The following UBAP2L variants were observed in gnomAD, a reference collection of about 807,000 sequenced individuals.
The protein encoded by UBAP2L is ubiquitin associated protein 2 like.
A neutral mutation model predicts 130.6 loss-of-function variants in UBAP2L; 12 were observed. That is an observed-to-expected ratio of 0.09 (90% CI 0.06 to 0.15). UBAP2L has a LOEUF of 0.15. UBAP2L is among the 10% of genes least tolerant of loss of function. The pLI is 1.00. For synonymous variants in UBAP2L, 503 were observed against 524.7 expected (o/e 0.96, Z 0.57); for missense variants, 965 against 1,332.5 (o/e 0.72, Z 4.29).
chr1:154,220,269 G>C (rs187712710), upstream of UBAP2L: 346 of 1,548,290 alleles, frequency 2.2e-4, no homozygotes, highest in African/African-American at 4.3e-3. Context: ...AATGCAGACG[G>C]GGTACAGCTC....
intron 14 of UBAP2L, among the ~76,000 whole-genome samples, chr1:154,252,533 G>A (rs1329061745): frequency 6.6e-6 from 1 of 151,754 alleles, no homozygotes; most frequent in Non-Finnish European, 1.5e-5. Flanking sequence ...TGCCCTCCTC[G>A]GCCTCCCAAA....
chr1:154,246,054 G>T, intron 10 of UBAP2L, 150 bp from the exon 11 acceptor site: 1 of 680,734 alleles, frequency 1.5e-6, no homozygotes, highest in Non-Finnish European at 2.3e-6. Flanking sequence ...GTTATTTTGG[G>T]ACATTTAAGC....
At chr1:154,241,787 A>G (rs747085315) in intron 9 of UBAP2L, 189 of 985,188 alleles carry the variant, frequency 1.9e-4, no homozygotes, top group Non-Finnish European at 2.2e-4. Flanking sequence ...GGAAAGGGCA[A>G]GTGCACTTGT....
At chr1:154,229,079 A>T (rs1056274703) in intron 4 of UBAP2L, among the ~76,000 whole-genome samples, 1 of 151,812 alleles carries the variant, frequency 6.6e-6, no homozygotes, top group South Asian at 2.1e-4. Context: ...AAAGTCACAC[A>T]CTATACTTGA....
intron 10 of UBAP2L, 23 bp downstream of exon 10, chr1:154,243,325 T>G: frequency 3.7e-6 from 6 of 1,604,740 alleles, no homozygotes; most frequent in Non-Finnish European, 5.1e-6. Flanking sequence ...TAAAATTTAG[T>G]ACCATTTCTT....
intron 9 of UBAP2L, chr1:154,242,923 CTTTCT>C (rs1371691999): frequency 1.6e-5 from 3 of 184,742 alleles, no homozygotes; most frequent in Non-Finnish European, 3.3e-5. Context: ...GAGGGATTTT[CTTTCT>C]TTTATTTTTT....
chr1:154,249,168 T>C, intron 11 of UBAP2L, 71 bp from the exon 12 acceptor site: 3 of 1,483,524 alleles, frequency 2.0e-6, no homozygotes, highest in Middle Eastern at 1.7e-4. Context: ...TCGGTCTGGA[T>C]AAGTGTCTTT....
chr1:154,246,501 C>T (rs1191688469), intron 11 of UBAP2L, 126 bp downstream of exon 11: 1 of 1,104,710 alleles, frequency 9.1e-7, no homozygotes, highest in Non-Finnish European at 1.3e-6. Flanking sequence ...CTTAAGCAGA[C>T]TTGGTTGTAG....
chr1:154,260,985 A>C lies in UBAP2L; in HGVS notation c.2672A>C (p.His891Pro). The C allele has an allele frequency of 6.2e-7, 1 of 1,614,210 alleles. No homozygotes were observed. The highest frequency in any genetic ancestry group is 8.5e-7 in the Non-Finnish European group (1 of 1,180,040). Reference sequence around the variant, plus strand: ...CAACAGAACCAGACGCAGACTCACCATACCACGCAGCAGACATTCCTGAAC... The same window carrying C: ...CAACAGAACCAGACGCAGACTCACCCTACCACGCAGCAGACATTCCTGAAC... ...QPQQNQTQTH[H>P]TTQQTFLNPA... The change falls in exon 23 of 27, where the codon CAT becomes CCT. Residue 891 changes from histidine (H) to proline (P), a missense_variant. Transcript: ENST00000428931.
intron 7 of UBAP2L, 72 bp downstream of exon 7, chr1:154,236,683 G>A: frequency 6.6e-7 from 1 of 1,518,618 alleles, no homozygotes. Context: ...TAACCAAAAT[G>A]ATCAGAATGA....
upstream of UBAP2L, chr1:154,220,381 G>A (rs1665484936): frequency 6.2e-7 from 1 of 1,614,200 alleles, no homozygotes; most frequent in Non-Finnish European, 8.5e-7. Context: ...CATTCACCCC[G>A]GAGAGCCAGT....
At chr1:154,249,647 A>G (rs1032414231) in intron 12 of UBAP2L, among the ~76,000 whole-genome samples, 3 of 152,146 alleles carry the variant, frequency 2.0e-5, no homozygotes, top group African/African-American at 7.2e-5. Context: ...TTCTCATCAC[A>G]TTTAGAGGCT....
chr1:154,237,548 A>G (rs1672084076), intron 8 of UBAP2L, among the ~76,000 whole-genome samples: 1 of 152,226 alleles, frequency 6.6e-6, no homozygotes, highest in Non-Finnish European at 1.5e-5. Flanking sequence ...TTTTGAAAAG[A>G]TAGCCAGAAT....
At position 154,254,846 on chromosome 1, in the gene UBAP2L, G is replaced by C; in HGVS notation, c.1865G>C (p.Ser622Thr). The stretch of plus-strand genomic sequence containing the variant: ...TTTTTTTTTTACCAGAATGGCTTCA[G>C]TTCTGTGCAGGCCACGCAGTTACAG... ...KDLTQAKNGF[S>T]SVQATQLQTT... is the part of the protein sequence containing the mutation. Residue 622 changes from serine to threonine, a missense_variant, in exon 16 of 27, where the codon AGT (serine) becomes ACT (threonine). Physicochemically the swap from Ser to Thr is moderately conservative, Grantham distance 58. This residue lies in a region of UBAP2L where 393 missense variants were observed against 408.1 expected (regional missense o/e 0.96). Coordinates refer to ENST00000428931, the MANE Select transcript of UBAP2L (RefSeq NM_014847.4). The C allele has an allele frequency of 6.3e-7, 1 of 1,598,454 alleles. No individual in the cohort carries two copies. Among genetic ancestry groups the C allele is most frequent in the Non-Finnish European group, 8.5e-7 (1 of 1,176,302 alleles).
intron 11 of UBAP2L, 64 bp from the exon 12 acceptor site, chr1:154,249,175 C>T: frequency 6.5e-7 from 1 of 1,541,834 alleles, no homozygotes; most frequent in Non-Finnish European, 9.0e-7. Flanking sequence ...GGATAAGTGT[C>T]TTTATGAGTA....
At chr1:154,225,825 T>C (rs1667744457) in intron 2 of UBAP2L, among the ~76,000 whole-genome samples, 1 of 152,232 alleles carries the variant, frequency 6.6e-6, no homozygotes, top group African/African-American at 2.4e-5. Flanking sequence ...CTCTCTCTTT[T>C]GTTTTTGAGA....
chr1:154,226,868 G>A (rs1247783802), intron 2 of UBAP2L, among the ~76,000 whole-genome samples: 3 of 152,042 alleles, frequency 2.0e-5, no homozygotes, highest in Non-Finnish European at 2.9e-5. Context: ...TATCACTTAG[G>A]CTGGAGTGCA....
Position 154,257,432 on chromosome 1 carries a change from C to G in UBAP2L, c.2440C>G (p.Pro814Ala). The G allele has an allele frequency of 6.2e-7, 1 of 1,612,476 alleles. No individual in the cohort carries two copies. Among genetic ancestry groups the G allele is most frequent in the Non-Finnish European group, 8.5e-7 (1 of 1,179,990 alleles). The change falls in exon 20 of 27, where the codon CCG becomes GCG. Residue 814 changes from proline to alanine, a missense_variant and splice_region_variant. Physicochemically the swap from Pro to Ala is conservative, Grantham distance 27 (BLOSUM62 -1). Around this residue, in one of 9 missense-constraint regions of UBAP2L, gnomAD observed 393 missense variants for 408.1 expected, o/e 0.96. Coordinates refer to ENST00000428931, the MANE Select transcript of UBAP2L (RefSeq NM_014847.4). Reference sequence around the variant, plus strand: ...GGCTCCAGGGCTGTTACATGCCTACCCGGTAAGTGGGACTAAAGGATCTTC... The same window carrying G: ...GGCTCCAGGGCTGTTACATGCCTACGCGGTAAGTGGGACTAAAGGATCTTC... Reference protein sequence around the residue: ...IMAPGLLHAYPPQVYGYDDLQ... With the variant: ...IMAPGLLHAYAPQVYGYDDLQ...
intron 11 of UBAP2L, 44 bp from the exon 12 acceptor site, chr1:154,249,195 G>A (rs1676680488): frequency 1.9e-6 from 3 of 1,600,450 alleles, no homozygotes; most frequent in South Asian, 1.1e-5. Context: ...AGCTGAACAA[G>A]GTTACTGGCT....
Sources: allele counts gnomAD v4.1 joint callset (sites outside exome capture counted in the v4.1 genomes callset), GRCh38; gene constraint gnomAD v4.1.1; regional missense constraint gnomAD v4.1.1; transcripts MANE v1.5; gene names NCBI Gene and HGNC (gene_info 2026-07-23, HGNC 2026-07-21).